Variants in STAG2 observed in about 807,000 individuals in gnomAD.
STAG2 encodes the protein STAG2 cohesin complex component.
STAG2 carries 14 observed loss-of-function variants against 108.1 expected under a neutral mutation model. The observed-to-expected ratio is 0.13, with a 90% CI of 0.09 to 0.20. STAG2 has a LOEUF of 0.20. Ranked by LOEUF, STAG2 falls within the 10% of genes least tolerant of loss-of-function variation. STAG2 has a pLI of 1.00. For synonymous variants in STAG2, 307 were observed against 302.7 expected, an observed-to-expected ratio of 1.01 and a Z score of -0.15; for missense variants, 440 against 940.9, an observed-to-expected ratio of 0.47 and a Z score of 6.96.
intron 1 of STAG2, among the ~76,000 whole-genome samples, chrX:123,967,256 ATTTTT>A (rs1177101640): frequency 8.8e-4 from 44 of 50,216 alleles, no homozygotes; most frequent in African/African-American, 2.8e-3. Flanking sequence ...TCAATGGTGT[ATTTTT>A]TTTTTTTTTT....
chrX:124,028,748 C>T (rs1396123059), intron 4 of STAG2, among the ~76,000 whole-genome samples: 1 of 103,411 alleles, frequency 9.7e-6, no homozygotes, highest in Non-Finnish European at 2.0e-5. Flanking sequence ...CAGAGATCCG[C>T]AATCTGTGGC....
chrX:124,052,738 G>C (rs779609752), intron 13 of STAG2, among the ~76,000 whole-genome samples: 24 of 109,825 alleles, frequency 2.2e-4, no homozygotes, highest in Non-Finnish European at 4.0e-4. Flanking sequence ...ATTTTTTTTT[G>C]AGGAACTGCC....
intron 1 of STAG2, among the ~76,000 whole-genome samples, chrX:124,000,779 T>A (rs2055993539): frequency 8.9e-6 from 1 of 111,987 alleles, no homozygotes; most frequent in African/African-American, 3.2e-5. Flanking sequence ...GCTCCACATG[T>A]TATTGTCCCT....
intron 30 of STAG2, 42 bp from the exon 31 acceptor site, chrX:124,090,533 C>A: frequency 8.9e-7 from 1 of 1,117,820 alleles, no homozygotes. Flanking sequence ...TCTGAATAGT[C>A]AAAATTAGTG....
chrX:124,069,188 A>G (rs2058608110), intron 24 of STAG2, among the ~76,000 whole-genome samples: 1 of 112,189 alleles, frequency 8.9e-6, no homozygotes, highest in South Asian at 3.7e-4. Flanking sequence ...TTCTCGAAAT[A>G]GACTGTTACC....
intron 1 of STAG2, among the ~76,000 whole-genome samples, chrX:124,010,606 A>G (rs932409045): frequency 1.6e-4 from 18 of 111,618 alleles, no homozygotes; most frequent in African/African-American, 4.9e-4. Flanking sequence ...GTTCTCACTT[A>G]GTGCCGTTCT....
intron 17 of STAG2, among the ~76,000 whole-genome samples, chrX:124,062,271 G>A (rs1375872870): frequency 8.9e-6 from 1 of 111,832 alleles, no homozygotes; most frequent in Non-Finnish European, 1.9e-5. Flanking sequence ...ATGCATTATT[G>A]TAAAGTTTAC....
chrX:123,998,625 TCTATCTATCTAA>T (rs1374316446), intron 1 of STAG2, among the ~76,000 whole-genome samples: 13 of 107,784 alleles, frequency 1.2e-4, no homozygotes, highest in South Asian at 8.1e-4. Context: ...TATCTATCTA[TCTATCTATCTAA>T]CTAACTGATG....
Position 124,090,933 on chromosome X carries a change from G to A in STAG2, c.3547G>A (p.Val1183Ile). 1 of 1,208,452 alleles carries A rather than the reference G, an allele frequency of 8.3e-7. No homozygotes were observed. Among genetic ancestry groups the A allele is most frequent in the Non-Finnish European group, 1.1e-6 (1 of 892,903 alleles). Reference protein sequence around the residue: ...QQQERAAMSYVKLRTNLQHAI... With the variant: ...QQQERAAMSYIKLRTNLQHAI... ...GCAGGAGAGAGCAGCAATGAGCTAT[G>A]TTAAACTGCGAACTAATCTTCAGCA... Residue 1183 changes from valine (V) to isoleucine (I), a missense_variant, in exon 32 of 35, where the codon GTT becomes ATT. Around this residue, in one of 3 missense-constraint regions of STAG2, gnomAD observed 337 missense variants for 649.3 expected, o/e 0.52. Transcript: ENST00000371145.
chrX:123,995,814 CCTT>C (rs2055711280), intron 1 of STAG2, among the ~76,000 whole-genome samples: 1 of 112,004 alleles, frequency 8.9e-6, no homozygotes, highest in African/African-American at 3.2e-5. Flanking sequence ...GACAGATATC[CCTT>C]CTTAGACCTG....
chrX:123,962,790 C>G (rs1031141799), intron 1 of STAG2, among the ~76,000 whole-genome samples: 1 of 111,162 alleles, frequency 9.0e-6, no homozygotes, highest in Non-Finnish European at 1.9e-5. Flanking sequence ...CGGGCCACCC[C>G]CTTCTCCCAC....
At chrX:124,023,995 T>C (rs951560670) in intron 3 of STAG2, among the ~76,000 whole-genome samples, 3 of 111,882 alleles carry the variant, frequency 2.7e-5, no homozygotes, top group Middle Eastern at 4.2e-3. Flanking sequence ...ATAACTGTTA[T>C]TTCACCTAGG....
intron 1 of STAG2, among the ~76,000 whole-genome samples, chrX:124,020,530 AAAG>A (rs2056892717): frequency 9.0e-6 from 1 of 111,386 alleles, no homozygotes; most frequent in African/African-American, 3.3e-5. Context: ...AAACTTCAGA[AAAG>A]AAAAAATTAG....
chrX:124,084,803 G>T (rs1443545175), intron 29 of STAG2, among the ~76,000 whole-genome samples: 1 of 112,532 alleles, frequency 8.9e-6, no homozygotes, highest in Non-Finnish European at 1.9e-5. Flanking sequence ...TAGCACATTA[G>T]GAAAAATTAA....
rs370193879 is a variant in STAG2, at chrX:123,972,419, T to C, written c.-163+10563T>C. Among the ~76,000 whole-genome samples, 33 of 108,842 alleles carry C rather than the reference T, an allele frequency of 3.0e-4. No individual in the cohort carries two copies. The South Asian group carries it at 0.011, about 35-fold the overall frequency. 94.5% of individuals were successfully genotyped at this position (108,842 alleles called of 115,157 possible). A position where few individuals can be genotyped will look rare whatever the true frequency, so the allele number is the denominator to read the frequency against. ...CCGAGTAGCTGGGACTACAGGCGCC[T>C]GCCACCATGGCCGGCTAATTTTTTT... On this transcript the variant is annotated intron_variant, in intron 1 of 34. Transcript: ENST00000371145.
At chrX:124,008,126 C>T (rs2056369806) in intron 1 of STAG2, among the ~76,000 whole-genome samples, 1 of 110,986 alleles carries the variant, frequency 9.0e-6, no homozygotes, top group African/African-American at 3.3e-5. Flanking sequence ...ATTTGGCAAA[C>T]ATCTTCAGAA....
chrX:123,982,228 T>C (rs2054909843), intron 1 of STAG2, among the ~76,000 whole-genome samples: 1 of 107,283 alleles, frequency 9.3e-6, no homozygotes, highest in Non-Finnish European at 1.9e-5. Flanking sequence ...TCCTAGCTAC[T>C]CGAGAAGCTG....
At chrX:124,017,550 GA>G (rs778649938) in intron 1 of STAG2, among the ~76,000 whole-genome samples, 137 of 111,347 alleles carry the variant, frequency 1.2e-3, no homozygotes, top group East Asian at 8.7e-3. Flanking sequence ...ATTTTGGGGG[GA>G]AAAAAATTAA....
chrX:124,048,590 T>C (rs1315072387), intron 9 of STAG2, among the ~76,000 whole-genome samples: 1 of 111,047 alleles, frequency 9.0e-6, no homozygotes, highest in African/African-American at 3.3e-5. Flanking sequence ...CCACCATGCC[T>C]GGCTAATTTT....
Sources: gnomAD v4.1 joint callset for allele counts (sites outside exome capture counted in the v4.1 genomes callset) on GRCh38, gnomAD v4.1.1 for gene constraint, gnomAD v4.1.1 regional missense constraint, MANE v1.5 for transcripts, NCBI Gene and HGNC (gene_info 2026-07-23, HGNC 2026-07-21) for gene names.